Variants in CDH18 observed in about 807,000 individuals in gnomAD.
CDH18 encodes the protein cadherin 18, also known as cadherin-18.
CDH18 carries 31 observed loss-of-function variants against 67.9 expected under a neutral mutation model. The ratio of observed to expected loss-of-function variants is 0.46; its 90% CI spans 0.34 to 0.62. The LOEUF is 0.62. Among genes scored for constraint, CDH18 ranks in the 20% least tolerant of loss-of-function variants. CDH18 has a pLI of 0.01. For synonymous variants in CDH18, 362 were observed against 347.2 expected, an observed-to-expected ratio of 1.04 and a Z score of -0.48; for missense variants, 890 against 975.5, an observed-to-expected ratio of 0.91 and a Z score of 1.17.
At chr5:20,006,320 A>C (rs1467330492) in intron 2 of CDH18, among the ~76,000 whole-genome samples, 1 of 151,854 alleles carries the variant, frequency 6.6e-6, no homozygotes. Context: ...TAGATAAATA[A>C]TTTTTTCACA....
chr5:20,520,399 G>T (rs1197896897), intron 1 of CDH18, among the ~76,000 whole-genome samples: 2 of 152,030 alleles, frequency 1.3e-5, no homozygotes, highest in African/African-American at 4.8e-5. Flanking sequence ...AAGAGAATAT[G>T]GAAACGTTAT....
At chr5:19,701,061 A>G (rs1320355002) in intron 5 of CDH18, among the ~76,000 whole-genome samples, 2 of 152,160 alleles carry the variant, frequency 1.3e-5, no homozygotes, top group Non-Finnish European at 2.9e-5. Context: ...AAATGATAAA[A>G]AAAAATTAAC....
chr5:19,791,483 A>G (rs1258652689), intron 3 of CDH18, among the ~76,000 whole-genome samples: 1 of 152,158 alleles, frequency 6.6e-6, no homozygotes, highest in East Asian at 1.9e-4. Context: ...TGTATTACAT[A>G]TATAATTGTA....
chr5:20,154,625 T>G (rs966510005), intron 2 of CDH18, among the ~76,000 whole-genome samples: 20 of 152,198 alleles, frequency 1.3e-4, no homozygotes, highest in African/African-American at 4.8e-4. Flanking sequence ...CCTCAGTCTC[T>G]GTGCCATTCT....
At chr5:20,425,377 A>G (rs1365690802) in intron 1 of CDH18, among the ~76,000 whole-genome samples, 2 of 150,986 alleles carry the variant, frequency 1.3e-5, no homozygotes, top group Non-Finnish European at 2.9e-5. Context: ...TCTCAAAAAA[A>G]TAAATAAAAA....
intron 1 of CDH18, among the ~76,000 whole-genome samples, chr5:20,371,156 T>G (rs1742968847): frequency 6.6e-6 from 1 of 151,986 alleles, no homozygotes; most frequent in Non-Finnish European, 1.5e-5. Context: ...AGGAAAATTT[T>G]TTGAAAGGTA....
intron 1 of CDH18, among the ~76,000 whole-genome samples, chr5:20,415,738 C>G (rs1747252877): frequency 1.3e-5 from 2 of 151,630 alleles, no homozygotes; most frequent in Admixed American, 1.3e-4. Flanking sequence ...CGCCACTGCT[C>G]TCACTCCAGC....
intron 8 of CDH18, among the ~76,000 whole-genome samples, chr5:19,557,841 C>T (rs1319442175): frequency 6.6e-6 from 1 of 152,066 alleles, no homozygotes; most frequent in Non-Finnish European, 1.5e-5. Flanking sequence ...GCAGAATATT[C>T]ATTCTATTCA....
At chr5:20,278,362 T>C (rs1399217369) in intron 1 of CDH18, among the ~76,000 whole-genome samples, 2 of 151,840 alleles carry the variant, frequency 1.3e-5, no homozygotes, top group Non-Finnish European at 2.9e-5. Flanking sequence ...GCATGACAGA[T>C]TTAAAGCGCT....
chr5:19,878,223 G>A (rs1787251301), intron 2 of CDH18: 1 of 152,004 alleles, frequency 6.6e-6, no homozygotes, highest in Admixed American at 6.6e-5. Flanking sequence ...ATATTTTTGA[G>A]AGAGACAGCC....
At chr5:20,489,772 T>C (rs2457024) in intron 1 of CDH18, among the ~76,000 whole-genome samples, 59,467 of 151,678 alleles carry the variant, frequency 0.39, 13,609 homozygotes, top group East Asian at 0.55. Flanking sequence ...TTTTCAAACA[T>C]TGAAGTTCTG....
intron 2 of CDH18, among the ~76,000 whole-genome samples, chr5:20,040,755 T>C (rs1228975159): frequency 1.3e-5 from 2 of 152,062 alleles, no homozygotes; most frequent in African/African-American, 4.8e-5. Context: ...GGAGTAAATA[T>C]CTTATCAGAG....
chr5:20,328,916 A>G (rs960842774), intron 1 of CDH18, among the ~76,000 whole-genome samples: 1 of 114,482 alleles, frequency 8.7e-6, no homozygotes, highest in African/African-American at 2.6e-5. Context: ...GGATATGTCC[A>G]GACTGCAATG....
chr5:20,512,135 A>G (rs1755074707), intron 1 of CDH18, among the ~76,000 whole-genome samples: 1 of 152,104 alleles, frequency 6.6e-6, no homozygotes, highest in Admixed American at 6.6e-5. Flanking sequence ...AGGCAGGAGA[A>G]TCGCTTGAAT....
Position 20,020,928 on chromosome 5 carries a change from G to A in CDH18, c.-517-28914C>T, listed in dbSNP as rs370928042. 1.4e-3 allele frequency among the ~76,000 whole-genome samples: 210 copies of A among 152,164 alleles called. No homozygotes were observed. The South Asian group carries it at 0.017, about 12-fold the overall frequency. On this transcript the variant is annotated intron_variant, in intron 2 of 14. Coordinates refer to the CDH18 transcript ENST00000507958. The stretch of plus-strand genomic sequence containing the variant: ...CTTGCACTATGCACCTGAAAAAGTC[G>A]CAGACATTGAAGGCCAGCCCTTGAG...
intron 1 of CDH18, among the ~76,000 whole-genome samples, chr5:20,449,837 A>G (rs1417474583): frequency 2.0e-5 from 3 of 151,876 alleles, no homozygotes; most frequent in East Asian, 1.9e-4. Flanking sequence ...GAAAAAATAT[A>G]TATATATAAT....
intron 1 of CDH18, among the ~76,000 whole-genome samples, chr5:20,339,223 C>T (rs1740041577): frequency 6.6e-6 from 1 of 152,140 alleles, no homozygotes; most frequent in South Asian, 2.1e-4. Context: ...CCCTCAGACT[C>T]TAAAGAGAAA....
chr5:19,545,714 A>C (rs1195799482), intron 8 of CDH18, among the ~76,000 whole-genome samples: 1 of 152,186 alleles, frequency 6.6e-6, no homozygotes, highest in Non-Finnish European at 1.5e-5. Context: ...GGTGGATAAA[A>C]AGAGCTGGGG....
chr5:19,782,175 G>T (rs1451961996), intron 3 of CDH18, among the ~76,000 whole-genome samples: 1 of 152,112 alleles, frequency 6.6e-6, no homozygotes, highest in African/African-American at 2.4e-5. Context: ...CCACATGTCT[G>T]GGGAGGCCTC....
Sources: gnomAD v4.1 joint callset for allele counts (sites outside exome capture counted in the v4.1 genomes callset) on GRCh38, gnomAD v4.1.1 for gene constraint, MANE v1.5 for transcripts, NCBI Gene and HGNC (gene_info 2026-07-23, HGNC 2026-07-21) for gene names.